The following DTNB variants were observed in gnomAD, a reference collection of about 807,000 sequenced individuals.
DTNB encodes the protein dystrobrevin beta.
In DTNB, 63 loss-of-function variants were observed where a neutral mutation model predicts 90.7. That is an observed-to-expected ratio of 0.69 (90% confidence interval 0.57 to 0.86). DTNB has a LOEUF of 0.86. Ranked by LOEUF, DTNB falls within the 40% of genes least tolerant of loss-of-function variation. DTNB has a pLI of 0.00. For synonymous variants in DTNB, 277 were observed against 286.7 expected (o/e 0.97, Z 0.34); for missense variants, 744 against 807.1 (o/e 0.92, Z 0.95).
chr2:25,638,906 G>T, intron 3 of DTNB, 108 bp downstream of exon 3: 2 of 1,138,076 alleles, frequency 1.8e-6, no homozygotes, highest in South Asian at 2.2e-5. Flanking sequence ...AAATACTTAA[G>T]ACAAAAATAA....
intron 2 of DTNB, among the ~76,000 whole-genome samples, chr2:25,648,648 G>A (rs141108218): frequency 8.0e-4 from 122 of 152,212 alleles, no homozygotes; most frequent in African/African-American, 2.8e-3. Flanking sequence ...GAGTTGAGTA[G>A]TGTGACAAAG....
rs548676856 is a variant in DTNB, at chr2:25,550,307, C to A, written c.877-18710G>T. Among the ~76,000 whole-genome samples, 6 of 152,178 alleles carry A rather than the reference C, an allele frequency of 3.9e-5. No individual in the cohort carries two copies. In the East Asian group the frequency reaches 9.7e-4, roughly 25 times the overall value. ...TCGGGAGGCTGAGGCAAGAGAATGG[C>A]GTGAACCCGGGAGGCGGAGCTTGCA... On this transcript the variant is annotated intron_variant, in intron 8 of 20. Coordinates refer to ENST00000406818, the MANE Select transcript of DTNB (RefSeq NM_021907.5).
intron 3 of DTNB, among the ~76,000 whole-genome samples, chr2:25,629,061 C>T (rs1287299572): frequency 6.6e-6 from 1 of 151,736 alleles, no homozygotes; most frequent in Admixed American, 6.6e-5. Context: ...CTTAAGTGCA[C>T]AAAAAAAGTA....
chr2:25,623,283 G>C (rs918205780), intron 4 of DTNB, among the ~76,000 whole-genome samples: 1 of 152,210 alleles, frequency 6.6e-6, no homozygotes, highest in South Asian at 2.1e-4. Flanking sequence ...GGAGAGGCTG[G>C]ATGTCCAGGG....
intron 9 of DTNB, among the ~76,000 whole-genome samples, chr2:25,501,306 C>T (rs1177345942): frequency 6.6e-6 from 1 of 152,120 alleles, no homozygotes; most frequent in East Asian, 1.9e-4. Flanking sequence ...CCTCGAACTC[C>T]TCAGCTCAAA....
chr2:25,484,696 A>G (rs1446566793), intron 9 of DTNB, among the ~76,000 whole-genome samples: 1 of 152,204 alleles, frequency 6.6e-6, no homozygotes, highest in Non-Finnish European at 1.5e-5. Context: ...TACTATGCTT[A>G]TTGTTCTACA....
Position 25,631,076 on chromosome 2 carries a change from T to C in DTNB, c.149-2692A>G, listed in dbSNP as rs372035100. Among the ~76,000 whole-genome samples, 26 of 152,168 alleles carry C rather than the reference T, an allele frequency of 1.7e-4. No individual in the cohort carries two copies. The South Asian group carries it at 4.8e-3, about 28-fold the overall frequency. On this transcript the variant is annotated intron_variant, in intron 3 of 20. Transcript: ENST00000406818. ...GAAGGGAATGTGGAGTGACTGTTAATGGGTATGTGGTTTGTTTCTGGGGTG... is the reference window on the plus strand; with the variant it reads ...GAAGGGAATGTGGAGTGACTGTTAACGGGTATGTGGTTTGTTTCTGGGGTG...
chr2:25,450,041 T>G (rs1176301916), intron 12 of DTNB, among the ~76,000 whole-genome samples: 1 of 152,162 alleles, frequency 6.6e-6, no homozygotes, highest in Non-Finnish European at 1.5e-5. Context: ...GAGCAAAAGA[T>G]TTTACATTTG....
At position 25,534,379 on chromosome 2, in the gene DTNB, A is replaced by T. The variant is rs1041045635; in HGVS notation, c.877-2782T>A. Among the ~76,000 whole-genome samples, 4 of 152,236 alleles carry T rather than the reference A, an allele frequency of 2.6e-5. No homozygotes were observed. In the South Asian group the frequency reaches 8.3e-4, roughly 32 times the overall value. On this transcript the variant is annotated intron_variant, in intron 8 of 20. Transcript: ENST00000406818. ...AGAATTTTTCTTAGTACAGAACAAA[A>T]TGGAGTCTCCTATGTCTATCTCTTT...
At chr2:25,526,395 A>ATATATATATATATATT in intron 9 of DTNB, among the ~76,000 whole-genome samples, 11 of 49,826 alleles carry the variant, frequency 2.2e-4, no homozygotes, top group South Asian at 6.7e-4. Flanking sequence ...ATATATATAT[A>ATATATATATATATATT]TTTTTTTTTT....
intron 9 of DTNB, among the ~76,000 whole-genome samples, chr2:25,509,191 A>C (rs1403731857): frequency 2.0e-5 from 3 of 152,246 alleles, no homozygotes; most frequent in Admixed American, 6.5e-5. Context: ...GATCACTAGT[A>C]AAATGCTGAA....
At chr2:25,449,907 C>A (rs1297917334) in intron 12 of DTNB, among the ~76,000 whole-genome samples, 3 of 151,832 alleles carry the variant, frequency 2.0e-5, no homozygotes, top group Non-Finnish European at 4.4e-5. Context: ...GGACTACAGG[C>A]GCACACTGCC....
chr2:25,384,596 G>A (rs976642522), intron 18 of DTNB, among the ~76,000 whole-genome samples: 2 of 152,194 alleles, frequency 1.3e-5, no homozygotes, highest in Admixed American at 1.3e-4. Flanking sequence ...AAGGAATTGG[G>A]TGTAGCAGTC....
At chr2:25,379,400 C>T (rs939034728) in intron 19 of DTNB, 77 bp from the exon 20 acceptor site, 23 of 1,281,734 alleles carry the variant, frequency 1.8e-5, no homozygotes, top group Middle Eastern at 2.0e-4. Flanking sequence ...CTCAAAGGGG[C>T]TTCCCTGACC....
At chr2:25,380,394 G>C (rs1346893954) in intron 19 of DTNB, among the ~76,000 whole-genome samples, 1 of 152,190 alleles carries the variant, frequency 6.6e-6, no homozygotes, top group Non-Finnish European at 1.5e-5. Context: ...GCCCATGTAT[G>C]AGCTACGTTG....
chr2:25,644,254 C>A (rs1471223976), intron 2 of DTNB, among the ~76,000 whole-genome samples: 4 of 152,104 alleles, frequency 2.6e-5, no homozygotes, highest in African/African-American at 9.7e-5. Flanking sequence ...TGCGTGAGAT[C>A]CAAGAGCCTT....
At chr2:25,672,203 C>CAAAAAAAAAAA (rs5829985) in intron 1 of DTNB, among the ~76,000 whole-genome samples, 1 of 42,472 alleles carries the variant, frequency 2.4e-5, no homozygotes, top group African/African-American at 1.2e-4. Context: ...CCTCGCATAG[C>CAAAAAAAAAAA]AAAAAAAAAA....
chr2:25,657,698 G>A (rs1440156397), intron 1 of DTNB, among the ~76,000 whole-genome samples: 1 of 152,112 alleles, frequency 6.6e-6, no homozygotes, highest in Non-Finnish European at 1.5e-5. Flanking sequence ...TCCAGCCTGG[G>A]TGACGGAGCA....
At chr2:25,647,999 T>C (rs1393501155) in intron 2 of DTNB, among the ~76,000 whole-genome samples, 1 of 152,050 alleles carries the variant, frequency 6.6e-6, no homozygotes, top group East Asian at 1.9e-4. Flanking sequence ...AGAACAAAGA[T>C]ACACAAAGAG....
Sources: gnomAD v4.1 joint callset for allele counts (sites outside exome capture counted in the v4.1 genomes callset) on GRCh38, gnomAD v4.1.1 for gene constraint, MANE v1.5 for transcripts, NCBI Gene and HGNC (gene_info 2026-07-23, HGNC 2026-07-21) for gene names.